The following RBFOX1 variants were observed in gnomAD, a reference collection of about 807,000 sequenced individuals.
RBFOX1 encodes the protein RNA binding protein fox-1 homolog 1.
Under a neutral mutation model 57.7 loss-of-function variants are expected in RBFOX1, and 8 were observed. The observed-to-expected ratio is 0.14, with a 90% CI of 0.08 to 0.25. RBFOX1 has a LOEUF of 0.25. RBFOX1 is among the 10% of genes least tolerant of loss of function. The pLI is 1.00. For synonymous variants in RBFOX1, 326 were observed against 222.4 expected (o/e 1.47, Z -4.15); for missense variants, 611 against 548.5 (o/e 1.11, Z -1.14).
chr16:5,709,648 C>T (rs1388186972), intron 3 of RBFOX1, among the ~76,000 whole-genome samples: 1 of 150,332 alleles, frequency 6.7e-6, no homozygotes, highest in Non-Finnish European at 1.5e-5. Context: ...TTGCTGCATT[C>T]TTACATAGGA....
intron 3 of RBFOX1, among the ~76,000 whole-genome samples, chr16:7,010,544 T>G (rs532245444): frequency 5.3e-5 from 8 of 151,774 alleles, no homozygotes; most frequent in Middle Eastern, 3.4e-3. Flanking sequence ...CCCCTTTTTT[T>G]TTTGTTTGTT....
intron 3 of RBFOX1, among the ~76,000 whole-genome samples, chr16:5,757,463 C>G (rs2151635161): frequency 6.6e-6 from 1 of 152,178 alleles, no homozygotes; most frequent in Admixed American, 6.5e-5. Flanking sequence ...ATCTCTTGAC[C>G]TTGTGATCTG....
At chr16:6,022,252 C>T (rs916323779) in intron 1 of RBFOX1, among the ~76,000 whole-genome samples, 2 of 29,460 alleles carry the variant, frequency 6.8e-5, no homozygotes, top group African/African-American at 2.8e-4. Context: ...CTTAGCAAAT[C>T]TGTTTTTTTT....
At chr16:7,013,597 C>G (rs1242534043) in intron 3 of RBFOX1, among the ~76,000 whole-genome samples, 1 of 152,170 alleles carries the variant, frequency 6.6e-6, no homozygotes, top group Non-Finnish European at 1.5e-5. Flanking sequence ...CATTGCAACA[C>G]AACTACTAAT....
intron 3 of RBFOX1, among the ~76,000 whole-genome samples, chr16:6,736,307 C>A (rs1014120905): frequency 4.6e-5 from 7 of 152,066 alleles, no homozygotes; most frequent in Non-Finnish European, 7.4e-5. Flanking sequence ...TATCCCTCAC[C>A]CCTCTACTCT....
intron 4 of RBFOX1, among the ~76,000 whole-genome samples, chr16:7,465,843 G>C (rs1278978599): frequency 6.6e-6 from 1 of 152,188 alleles, no homozygotes; most frequent in Non-Finnish European, 1.5e-5. Flanking sequence ...TGGAATAACT[G>C]ATGTCGAGTG....
intron 4 of RBFOX1, among the ~76,000 whole-genome samples, chr16:7,103,898 CTGT>C (rs2063125627): frequency 6.6e-6 from 1 of 152,152 alleles, no homozygotes; most frequent in Middle Eastern, 3.2e-3. Context: ...ACAGATGTTT[CTGT>C]TGTTTAGCTG....
chr16:5,728,843 C>A (rs79463755), intron 3 of RBFOX1, among the ~76,000 whole-genome samples: 8,280 of 152,202 alleles, frequency 0.054, 588 homozygotes, highest in African/African-American at 0.15. Flanking sequence ...TCCAAGATCA[C>A]CTTTAAGTCT....
At chr16:7,224,685 A>T (rs1289674799) in intron 4 of RBFOX1, among the ~76,000 whole-genome samples, 1 of 152,218 alleles carries the variant, frequency 6.6e-6, no homozygotes, top group Admixed American at 6.5e-5. Flanking sequence ...AATAAGTGAT[A>T]TTTGGGGAGA....
At chr16:6,443,202 T>A (rs2094421251) in intron 2 of RBFOX1, among the ~76,000 whole-genome samples, 1 of 152,204 alleles carries the variant, frequency 6.6e-6, no homozygotes, top group South Asian at 2.1e-4. Context: ...CCTTTCCGGC[T>A]GAATCTTGGC....
intron 1 of RBFOX1, among the ~76,000 whole-genome samples, chr16:6,267,248 C>T (rs1381310230): frequency 6.6e-6 from 1 of 152,184 alleles, no homozygotes; most frequent in Non-Finnish European, 1.5e-5. Context: ...AGAAAAAAAA[C>T]TGTCAGAGAT....
At position 7,626,549 on chromosome 16, in the gene RBFOX1, A is replaced by C. The variant is rs1391502045; in HGVS notation, c.677-4054A>C. The stretch of plus-strand genomic sequence containing the variant: ...GATTGAGGTCTGTCCCATGGAGCCA[A>C]ATGTCTGCCAGGTGCTGATACAGTC... On this transcript the variant is annotated intron_variant, in intron 10 of 15. Coordinates refer to ENST00000550418, the MANE Select transcript of RBFOX1 (RefSeq NM_018723.4). Among the ~76,000 whole-genome samples, 4 of 152,178 alleles carry C rather than the reference A, an allele frequency of 2.6e-5. No homozygotes were observed. In the East Asian group the frequency reaches 7.7e-4, roughly 29 times the overall value.
At chr16:7,439,945 CTTTCTTT>C (rs1260788217) in intron 4 of RBFOX1, among the ~76,000 whole-genome samples, 1 of 113,394 alleles carries the variant, frequency 8.8e-6, no homozygotes, top group Non-Finnish European at 1.9e-5. Context: ...CAAATCTTTT[CTTTCTTT>C]TTTTTTTTTT....
intron 3 of RBFOX1, among the ~76,000 whole-genome samples, chr16:6,913,583 C>T (rs891063832): frequency 1.2e-4 from 18 of 152,070 alleles, no homozygotes; most frequent in Admixed American, 3.3e-4. Flanking sequence ...AGTTATAAGT[C>T]GGTAGCATCC....
At chr16:6,848,700 T>G (rs1854024764) in intron 3 of RBFOX1, among the ~76,000 whole-genome samples, 1 of 152,016 alleles carries the variant, frequency 6.6e-6, no homozygotes, top group South Asian at 2.1e-4. Flanking sequence ...ATGGATGGAA[T>G]GAGAGATAAT....
At chr16:6,798,630 G>T (rs115078225) in intron 3 of RBFOX1, among the ~76,000 whole-genome samples, 115 of 152,224 alleles carry the variant, frequency 7.6e-4, no homozygotes, top group Non-Finnish European at 1.1e-3. Flanking sequence ...AGTGCCTTTC[G>T]TTTCTCTGGC....
rs575428429 is a variant in RBFOX1 at position 7,317,231 on chromosome 16, C to T, written c.28-200916C>T. Among the ~76,000 whole-genome samples, 7 of 152,180 alleles carry T rather than the reference C, an allele frequency of 4.6e-5. No individual in the cohort carries two copies. In the East Asian group the frequency reaches 1.4e-3, roughly 29 times the overall value. ...CGTTTTGAAAATCAAGCCTGAGATT[C>T]ATCCCCGAAGCTGATGTTCAGCCAG... On this transcript the variant is annotated intron_variant, in intron 4 of 15. Transcript: ENST00000550418.
intron 3 of RBFOX1, among the ~76,000 whole-genome samples, chr16:6,856,398 G>C (rs190501230): frequency 6.6e-6 from 1 of 152,102 alleles, no homozygotes. Context: ...CCCTGTTTGA[G>C]GCTAGGATTT....
chr16:6,667,882 C>T (rs777554683), intron 3 of RBFOX1, among the ~76,000 whole-genome samples: 2 of 151,748 alleles, frequency 1.3e-5, no homozygotes, highest in African/African-American at 2.4e-5. Flanking sequence ...GAGCAAGACC[C>T]TATCTTTAAA....
Sources: gnomAD v4.1 joint callset for allele counts (sites outside exome capture counted in the v4.1 genomes callset) on GRCh38, gnomAD v4.1.1 for gene constraint, MANE v1.5 for transcripts, NCBI Gene and HGNC (gene_info 2026-07-23, HGNC 2026-07-21) for gene names.